Variants in TNK2 observed in about 807,000 individuals in gnomAD.
TNK2 encodes activated CDC42 kinase 1.
Under a neutral mutation model 101.8 loss-of-function variants are expected in TNK2, and 83 were observed. The ratio of observed to expected loss-of-function variants is 0.82; its 90% CI spans 0.68 to 0.98. TNK2 has a LOEUF of 0.98. Ranked by LOEUF, TNK2 falls within the 50% of genes least tolerant of loss-of-function variation. The probability of loss-of-function intolerance (pLI) is 0.00; values close to 1 mark genes in which losing one functional copy is unlikely to be tolerated. For synonymous variants in TNK2, 804 were observed against 633.0 expected, an observed-to-expected ratio of 1.27 and a Z score of -4.06; for missense variants, 1,665 against 1,483.2, an observed-to-expected ratio of 1.12 and a Z score of -2.01.
At chr3:195,900,639 G>C (rs898197196) in intron 1 of TNK2, among the ~76,000 whole-genome samples, 3 of 152,220 alleles carry the variant, frequency 2.0e-5, no homozygotes, top group African/African-American at 7.2e-5. Flanking sequence ...GGGTGGCAGA[G>C]GACACATTGC....
At chr3:195,889,098 C>A (rs1302527611) in intron 1 of TNK2, among the ~76,000 whole-genome samples, 5 of 151,932 alleles carry the variant, frequency 3.3e-5, no homozygotes. Flanking sequence ...GAGCTCTAAG[C>A]TAAGTTCCTC....
At position 195,872,446 on chromosome 3, in the gene TNK2, G is replaced by C; in HGVS notation, c.1281C>G (p.Gly427=). Residue 427 remains glycine, a synonymous_variant, in exon 10 of 16, where the codon GGC becomes GGG. Transcript: ENST00000672887. ...EGRAENYWWR[G]QNTRTLCVGP... ...CCACACACAGCGTCCGTGTGTTCTG[G>C]CCACGCCACCAGTAGTTCTCGGCCC... The C allele has an allele frequency of 6.2e-7, 1 of 1,605,292 alleles. No individual in the cohort carries two copies. Among genetic ancestry groups the C allele is most frequent in the Non-Finnish European group, 8.5e-7 (1 of 1,175,008 alleles).
At chr3:195,892,704 C>T (rs536878655) in intron 1 of TNK2, 170 of 1,394,602 alleles carry the variant, frequency 1.2e-4, no homozygotes, top group African/African-American at 7.9e-4. Context: ...TGGCTGCAGC[C>T]GGGATCCTCT....
rs189556323 is a variant in TNK2 at position 195,864,851 on chromosome 3, C to T, written c.3162-664G>A. Among the ~76,000 whole-genome samples the T allele has an allele frequency of 8.6e-3, 1,157 of 134,804 alleles. 25 individuals carry two copies. Among genetic ancestry groups the T allele is most frequent in the African/African-American group, 0.031 (1,087 of 35,274 alleles). 88.4% of individuals were successfully genotyped at this position (134,804 alleles called of 152,430 possible). A position where few individuals can be genotyped will look rare whatever the true frequency, so the allele number is the denominator to read the frequency against. ...CAGGTGCAAATCAGTAAGAAACACC[C>T]GAGACAGTGACAGACAGGTGACAGC... On this transcript the variant is annotated intron_variant, in intron 15 of 15. Transcript: ENST00000672887.
intron 1 of TNK2, among the ~76,000 whole-genome samples, chr3:195,900,810 T>C (rs1323487617): frequency 2.0e-5 from 3 of 152,308 alleles, no homozygotes; most frequent in South Asian, 2.1e-4. Context: ...TCCCAGCAGC[T>C]AGCCACTCCC....
chr3:195,882,391 C>G lies in TNK2; in HGVS notation c.610-63G>C, dbSNP rs753093812. The G allele has an allele frequency of 5.6e-6, 9 of 1,595,906 alleles. No homozygotes were observed. The highest frequency in any genetic ancestry group is 4.5e-5 in the East Asian group (2 of 44,098). ...GACCCTGCCCCTTCTCAGCAGCCCA[C>G]GCTGGGCCCCCAGTCCCCTTCCTGA... On this transcript the variant is annotated intron_variant, in intron 5 of 15. Transcript: ENST00000672887. This position sits in a 1 kb window ranked among gnomAD's most constrained non-coding sequence, Gnocchi z 4.2.
intron 1 of TNK2, among the ~76,000 whole-genome samples, chr3:195,900,715 G>A (rs1027838163): frequency 6.6e-6 from 1 of 152,246 alleles, no homozygotes; most frequent in African/African-American, 2.4e-5. Flanking sequence ...CAGGACACGA[G>A]TGCCGCAGAG....
chr3:195,905,987 A>G (rs1249060665), intron 1 of TNK2, among the ~76,000 whole-genome samples: 1 of 152,134 alleles, frequency 6.6e-6, no homozygotes, highest in Non-Finnish European at 1.5e-5. Flanking sequence ...AACACGAAAA[A>G]CCCTACACAA....
chr3:195,878,192 G>A lies in TNK2; in HGVS notation c.1256+61C>T, dbSNP rs1750510776. On this transcript the variant is annotated intron_variant, in intron 9 of 15. Transcript: ENST00000672887. The surrounding 1 kb of genome is among the most constrained non-coding windows in gnomAD (Gnocchi z 4.7). ...GGAGGCCAAACAGATCTGTCCACAGGTCCCTCCGACCTGTGCCCTTCAAGC... is the reference window on the plus strand; with the variant it reads ...GGAGGCCAAACAGATCTGTCCACAGATCCCTCCGACCTGTGCCCTTCAAGC... The A allele has an allele frequency of 3.2e-6, 5 of 1,555,244 alleles. No individual in the cohort carries two copies. Among genetic ancestry groups the A allele is most frequent in the East Asian group, 4.5e-5 (2 of 44,636 alleles).
chr3:195,896,617 T>A (rs80189052), intron 1 of TNK2: 3,645 of 155,810 alleles, frequency 0.023, 84 homozygotes, highest in African/African-American at 0.068. Flanking sequence ...CTTCTTGCCC[T>A]GGCTGGATAA....
chr3:195,875,567 G>A lies in TNK2; in HGVS notation c.1256+2686C>T, dbSNP rs752756288. ...CCGTGTCACTTCTCGCAGCCCACAC[G>A]CACCCGTGTGAGGCTCAGTGTGGCC... On this transcript the variant is annotated intron_variant, in intron 9 of 15. Transcript: ENST00000672887. Among the ~76,000 whole-genome samples the A allele has an allele frequency of 3.3e-5, 5 of 152,128 alleles. No homozygotes were observed. The South Asian group carries it at 6.2e-4, about 19-fold the overall frequency.
chr3:195,889,026 T>A (rs551665368), intron 1 of TNK2, among the ~76,000 whole-genome samples: 1 of 152,260 alleles, frequency 6.6e-6, no homozygotes, highest in South Asian at 2.1e-4. Flanking sequence ...TAGGGTGCAA[T>A]GTGCCCCGAG....
chr3:195,864,100 T>C lies in TNK2; in HGVS notation c.*81A>G. ...GAGCAGCGGGTCCTCCAGGACTGGA[T>C]GGGGGCATCTCCCCACTCCTGGTGG... On this transcript the variant is annotated 3_prime_UTR_variant, in exon 16 of 16. Transcript: ENST00000672887. 1 of 1,587,922 alleles carries C rather than the reference T, an allele frequency of 6.3e-7. No homozygotes were observed. The highest frequency in any genetic ancestry group is 1.1e-5 in the South Asian group (1 of 90,142).
chr3:195,885,394 C>G lies in TNK2; in HGVS notation c.235-361G>C, dbSNP rs1313983434. 1.3e-5 allele frequency: 18 copies of G among 1,352,506 alleles called. No homozygotes were observed. The highest frequency in any genetic ancestry group is 2.2e-5 in the Admixed American group (1 of 44,586). 83.8% of individuals were successfully genotyped at this position (1,352,506 alleles called of 1,614,324 possible). A position where few individuals can be genotyped will look rare whatever the true frequency, so the allele number is the denominator to read the frequency against. On this transcript the variant is annotated intron_variant, in intron 3 of 15. Coordinates refer to ENST00000672887, the MANE Select transcript of TNK2 (RefSeq NM_001382273.1). The surrounding 1 kb of genome is among the most constrained non-coding windows in gnomAD (Gnocchi z 4.7). ...CCCTCCCTTCCTGCACCCGCCACCC[C>G]GCAGACTCCAGCCCTAACCCGCATC...
chr3:195,887,129 G>T lies in TNK2; in HGVS notation c.164-82C>A. On this transcript the variant is annotated intron_variant, in intron 2 of 15. Transcript: ENST00000672887. ...TGCTGCCTGTGGTCCCCTTGGGGGT[G>T]AGCCTGTCACTAGACACCGCCCACC... 8 of 1,443,116 alleles carry T rather than the reference G, an allele frequency of 5.5e-6. No individual in the cohort carries two copies. In the East Asian group the frequency reaches 1.6e-4, roughly 29 times the overall value. The allele number at this position is 1,443,116 out of a possible 1,614,324, so 89.4% of individuals were successfully genotyped here.
chr3:195,872,210 G>A, intron 10 of TNK2, 66 bp downstream of exon 10: 1 of 1,568,416 alleles, frequency 6.4e-7, no homozygotes, highest in African/African-American at 1.4e-5. Flanking sequence ...GCCCACGCGT[G>A]CCGTGCTGAG....
Position 195,884,423 on chromosome 3 carries a change from A to G in TNK2, c.456+389T>C, listed in dbSNP as rs189326195. 95 of 169,454 alleles carry G rather than the reference A, an allele frequency of 5.6e-4. 1 individual carries two copies. In the East Asian group the frequency reaches 8.7e-3, roughly 15 times the overall value. The allele number at this position is 169,454 out of a possible 1,614,324, so 10.5% of individuals were successfully genotyped here. ...TTTGGGAGGCTAAAGTGGGCAGATC[A>G]TCTGAGGTCAGGAGTTCGAGACCAG... On this transcript the variant is annotated intron_variant, in intron 4 of 15. Coordinates refer to ENST00000672887, the MANE Select transcript of TNK2 (RefSeq NM_001382273.1).
intron 9 of TNK2, among the ~76,000 whole-genome samples, chr3:195,874,045 C>G (rs1051843687): frequency 6.6e-6 from 1 of 152,200 alleles, no homozygotes; most frequent in South Asian, 2.1e-4. Context: ...CTCCCCAGCA[C>G]GCACACAGCC....
At chr3:195,875,784 C>G (rs1038864343) in intron 9 of TNK2, among the ~76,000 whole-genome samples, 1 of 152,174 alleles carries the variant, frequency 6.6e-6, no homozygotes, top group African/African-American at 2.4e-5. Flanking sequence ...GGCCCAACAC[C>G]TCCGCATGAA....
Sources: allele counts gnomAD v4.1 joint callset (sites outside exome capture counted in the v4.1 genomes callset), GRCh38; gene constraint gnomAD v4.1.1; non-coding constraint Gnocchi (gnomAD v3.1); transcripts MANE v1.5; gene names NCBI Gene and HGNC (gene_info 2026-07-23, HGNC 2026-07-21).